CR1L: variants seen among roughly 807,000 people sequenced by gnomAD.
The protein encoded by CR1L is complement component receptor 1-like protein.
A neutral mutation model predicts 62.3 loss-of-function variants in CR1L; 59 were observed. That is an observed-to-expected ratio of 0.95 (90% confidence interval 0.77 to 1.18). The LOEUF (loss-of-function observed/expected upper bound fraction) is 1.18. Ranked by LOEUF, CR1L falls within the 50% of genes most tolerant of loss-of-function variation. CR1L has a pLI of 0.00. For synonymous variants in CR1L, 279 were observed against 248.7 expected, an observed-to-expected ratio of 1.12 and a Z score of -1.15; for missense variants, 700 against 702.8, an observed-to-expected ratio of 1.00 and a Z score of 0.04.
At position 207,717,636 on chromosome 1, in the gene CR1L, T is replaced by C. The variant is rs772193122; in HGVS notation, c.1587T>C (p.His529=). Residue 529 remains histidine (H), a synonymous_variant, in exon 11 of 12, where the codon CAT becomes CAC. Coordinates refer to ENST00000508064, the MANE Select transcript of CR1L (RefSeq NM_175710.2). The stretch of plus-strand genomic sequence containing the variant: ...CCATCCGCCGCACAAGTGAACCTCA[T>C]GGGAATGGGGTTTGGAGCAGCCCTG... ...ESTIRRTSEP[H]GNGVWSSPAP... is the part of the protein sequence containing the mutation. 5.6e-6 allele frequency: 9 copies of C among 1,613,834 alleles called. No homozygotes were observed. In the Admixed American group the frequency reaches 1.2e-4, roughly 21 times the overall value.
intron 1 of CR1L, among the ~76,000 whole-genome samples, chr1:207,664,397 G>A (rs981555385): frequency 3.3e-5 from 5 of 152,100 alleles, no homozygotes; most frequent in African/African-American, 4.8e-5. Context: ...AATTATGCAC[G>A]TTAACATAGT....
intron 9 of CR1L, among the ~76,000 whole-genome samples, chr1:207,706,041 A>G (rs1558024099): frequency 2.1e-5 from 3 of 145,514 alleles, no homozygotes; most frequent in African/African-American, 7.8e-5. Context: ...ATATATATAT[A>G]TATAAAACAC....
In CR1L at chr1:207,659,963, A is replaced by G. The variant is rs1663383230; in HGVS notation, c.97+14633A>G. Among the ~76,000 whole-genome samples the G allele has an allele frequency of 2.6e-5, 4 of 152,180 alleles. No homozygotes were observed. In the South Asian group the frequency reaches 8.3e-4, roughly 32 times the overall value. Reference sequence around the variant, plus strand: ...CTTGGCTGGGGGAGGAGCGTCCGACATTGCTAAGGCTTGACTGGGCGGTTC... The same window carrying G: ...CTTGGCTGGGGGAGGAGCGTCCGACGTTGCTAAGGCTTGACTGGGCGGTTC... On this transcript the variant is annotated intron_variant, in intron 1 of 11. Transcript: ENST00000508064.
At chr1:207,717,095 C>A (rs1203015988) in intron 10 of CR1L, among the ~76,000 whole-genome samples, 2 of 152,056 alleles carry the variant, frequency 1.3e-5, no homozygotes, top group Non-Finnish European at 2.9e-5. Context: ...TCTCTGATGG[C>A]CAAAATTTTG....
chr1:207,678,188 T>A lies in CR1L; in HGVS notation c.278-10T>A. 6.2e-7 allele frequency: 1 copy of A among 1,613,196 alleles called. No homozygotes were observed. The highest frequency in any genetic ancestry group is 2.2e-5 in the East Asian group (1 of 44,876). On this transcript the variant is annotated splice_polypyrimidine_tract_variant and intron_variant, in intron 2 of 11. Transcript: ENST00000508064. ...CTACTTGGCTTCAAATTTCTGTTTC[T>A]TTCCTGTAGGTAAATCATGTCGTAA...
intron 4 of CR1L, among the ~76,000 whole-genome samples, chr1:207,693,785 T>C (rs1008026205): frequency 2.6e-5 from 4 of 152,088 alleles, no homozygotes; most frequent in African/African-American, 9.7e-5. Flanking sequence ...GTTTGTTGGG[T>C]AATTCTAGCT....
At chr1:207,659,635 C>T (rs1481551095) in intron 1 of CR1L, among the ~76,000 whole-genome samples, 1 of 152,228 alleles carries the variant, frequency 6.6e-6, no homozygotes, top group Non-Finnish European at 1.5e-5. Flanking sequence ...GTACCTGGTT[C>T]ATCTCACTGG....
chr1:207,692,729 T>C (rs2102467423), intron 4 of CR1L, among the ~76,000 whole-genome samples: 1 of 151,308 alleles, frequency 6.6e-6, no homozygotes, highest in Non-Finnish European at 1.5e-5. Flanking sequence ...TCTCTCTCTC[T>C]CTACGTTCCT....
At chr1:207,699,619 C>T (rs1232565903) in intron 8 of CR1L, among the ~76,000 whole-genome samples, 2 of 151,922 alleles carry the variant, frequency 1.3e-5, no homozygotes, top group African/African-American at 4.8e-5. Context: ...GTTCTTTTTT[C>T]CCTTCTTCTC....
At chr1:207,673,133 A>G (rs1342083796) in intron 1 of CR1L, among the ~76,000 whole-genome samples, 6 of 152,226 alleles carry the variant, frequency 3.9e-5, no homozygotes, top group Non-Finnish European at 7.3e-5. Context: ...TCTAGAAAGT[A>G]TCATGAAGAC....
chr1:207,712,306 G>T (rs1045861430), intron 10 of CR1L, among the ~76,000 whole-genome samples: 3 of 152,316 alleles, frequency 2.0e-5, no homozygotes, highest in African/African-American at 7.2e-5. Context: ...TATGTAGATG[G>T]AGAATCCACC....
chr1:207,694,486 T>C lies in CR1L; in HGVS notation c.597T>C (p.Leu199=), dbSNP rs768430603. Residue 199 remains leucine, a synonymous_variant, in exon 5 of 12, where the codon CTT becomes CTC. Coordinates refer to ENST00000508064, the MANE Select transcript of CR1L (RefSeq NM_175710.2). The part of the protein sequence containing the change: ...LGSRGKKVFE[L]VGEPSIYCTS... ...GCAGAGGGAAAAAGGTGTTTGAGCTTGTGGGTGAGCCCTCCATATACTGCA... is the reference window on the plus strand; with the variant it reads ...GCAGAGGGAAAAAGGTGTTTGAGCTCGTGGGTGAGCCCTCCATATACTGCA... The C allele has an allele frequency of 1.2e-6, 2 of 1,613,948 alleles. No homozygotes were observed. The highest frequency in any genetic ancestry group is 1.7e-6 in the Non-Finnish European group (2 of 1,179,898).
At chr1:207,714,419 T>C (rs1199624312) in intron 10 of CR1L, among the ~76,000 whole-genome samples, 2 of 152,148 alleles carry the variant, frequency 1.3e-5, no homozygotes, top group African/African-American at 4.8e-5. Flanking sequence ...CTCAAGCCAG[T>C]CCATGGATTT....
chr1:207,663,946 C>T (rs150598890), intron 1 of CR1L, among the ~76,000 whole-genome samples: 92 of 152,308 alleles, frequency 6.0e-4, no homozygotes, highest in African/African-American at 2.1e-3. Flanking sequence ...CTGTCTCTTC[C>T]CTGCCTGCAG....
chr1:207,708,363 T>A (rs1664303470), intron 10 of CR1L, 100 bp downstream of exon 10: 2 of 1,446,286 alleles, frequency 1.4e-6, no homozygotes, highest in Non-Finnish European at 1.9e-6. Context: ...GGAAATGGTA[T>A]CCTTCTGATA....
At chr1:207,680,173 A>G (rs1341501265) in intron 3 of CR1L, among the ~76,000 whole-genome samples, 2 of 152,238 alleles carry the variant, frequency 1.3e-5, no homozygotes, top group Non-Finnish European at 2.9e-5. Context: ...CTGGTGAAAG[A>G]TGTTTATAAT....
intron 11 of CR1L, among the ~76,000 whole-genome samples, chr1:207,723,183 G>T (rs1289947368): frequency 1.3e-5 from 2 of 152,114 alleles, no homozygotes; most frequent in East Asian, 1.9e-4. Context: ...TGTATTCCCA[G>T]CACTTTGGGA....
chr1:207,662,817 A>G (rs1215086473), intron 1 of CR1L, among the ~76,000 whole-genome samples: 1 of 152,072 alleles, frequency 6.6e-6, no homozygotes, highest in Non-Finnish European at 1.5e-5. Flanking sequence ...ACATACAGAT[A>G]GGTTTTTGGT....
intron 8 of CR1L, among the ~76,000 whole-genome samples, chr1:207,701,194 A>G (rs1206757550): frequency 6.6e-6 from 1 of 152,252 alleles, no homozygotes; most frequent in Non-Finnish European, 1.5e-5. Context: ...CTGTTTGAAT[A>G]ACTAGGTGGG....
Sources: allele counts gnomAD v4.1 joint callset (sites outside exome capture counted in the v4.1 genomes callset), GRCh38; gene constraint gnomAD v4.1.1; transcripts MANE v1.5; gene names NCBI Gene and HGNC (gene_info 2026-07-23, HGNC 2026-07-21).